The following ADRA1B variants were observed in gnomAD, a reference collection of about 807,000 sequenced individuals.
The protein encoded by ADRA1B is alpha-1B adrenergic receptor.
ADRA1B carries 17 observed loss-of-function variants against 17.9 expected under a neutral mutation model. The ratio of observed to expected loss-of-function variants is 0.95; its 90% confidence interval spans 0.65 to 1.42. ADRA1B has a LOEUF of 1.42. ADRA1B is among the 40% of genes most tolerant of loss of function. The pLI is 0.00. For missense variants in ADRA1B, 681 were observed against 722.1 expected (o/e 0.94, Z 0.65); for synonymous variants, 366 against 327.6 (o/e 1.12, Z -1.27).
At chr5:159,900,219 T>C (rs977087168) in intron 1 of ADRA1B, among the ~76,000 whole-genome samples, 7 of 152,244 alleles carry the variant, frequency 4.6e-5, no homozygotes, top group Non-Finnish European at 1.0e-4. Flanking sequence ...TTCTTAAGCA[T>C]TTATTCTACC....
chr5:159,927,641 T>A lies in ADRA1B; in HGVS notation c.949+9787T>A, dbSNP rs566915077. ...ATTTCACTGAGATGGTCTCCTTTTA[T>A]GCCTATTATCAAAGCATAATTATAC... On this transcript the variant is annotated intron_variant, in intron 1 of 1. Transcript: ENST00000306675. Among the ~76,000 whole-genome samples, 6 of 152,338 alleles carry A rather than the reference T, an allele frequency of 3.9e-5. No individual in the cohort carries two copies. In the East Asian group the frequency reaches 1.2e-3, roughly 29 times the overall value.
At chr5:159,891,974 C>T (rs1204800746) in intron 1 of ADRA1B, among the ~76,000 whole-genome samples, 2 of 152,214 alleles carry the variant, frequency 1.3e-5, no homozygotes, top group Non-Finnish European at 2.9e-5. Flanking sequence ...CGCGCTGGCT[C>T]ACACCTGTAA....
intron 1 of ADRA1B, among the ~76,000 whole-genome samples, chr5:159,932,886 A>C (rs1754854447): frequency 6.6e-6 from 1 of 152,126 alleles, no homozygotes; most frequent in Non-Finnish European, 1.5e-5. Context: ...TTTCAGATAG[A>C]TCTCCATGGA....
At chr5:159,886,400 T>C (rs183641932) in intron 1 of ADRA1B, among the ~76,000 whole-genome samples, 1 of 152,296 alleles carries the variant, frequency 6.6e-6, no homozygotes, top group East Asian at 1.9e-4. Flanking sequence ...AGGAGCAAGA[T>C]CCTTGCCAAT....
At chr5:159,977,993 G>A (rs775339300), downstream of ADRA1B, among the ~76,000 whole-genome samples, 3 of 151,758 alleles carry the variant, frequency 2.0e-5, no homozygotes, top group Non-Finnish European at 4.4e-5. Context: ...GACTGTCCAG[G>A]TTAAAAGTGA....
intron 1 of ADRA1B, among the ~76,000 whole-genome samples, chr5:159,884,224 G>A (rs1411161072): frequency 2.0e-5 from 3 of 152,186 alleles, no homozygotes; most frequent in Non-Finnish European, 2.9e-5. Flanking sequence ...ATCCCTAAAT[G>A]GCATGCTATT....
At chr5:159,958,631 C>CACAACAAAAACAACA (rs1247327421) in intron 1 of ADRA1B, among the ~76,000 whole-genome samples, 62 of 152,268 alleles carry the variant, frequency 4.1e-4, no homozygotes, top group African/African-American at 1.4e-3. Context: ...TAGCTCTCCA[C>CACAACAAAAACAACA]ACAACAAAAA....
chr5:159,884,061 G>A (rs186528516), intron 1 of ADRA1B, among the ~76,000 whole-genome samples: 31 of 152,268 alleles, frequency 2.0e-4, no homozygotes, highest in East Asian at 7.7e-4. Flanking sequence ...CTGTGGCATC[G>A]TCTCCACAAG....
chr5:159,986,384 T>C, the ADRA1B span, among the ~76,000 whole-genome samples: 1 of 152,228 alleles, frequency 6.6e-6, no homozygotes, highest in Non-Finnish European at 1.5e-5. Context: ...TAAGCCAGTA[T>C]ATCCAACCTA....
intron 1 of ADRA1B, chr5:159,948,310 T>C: frequency 8.1e-6 from 8 of 985,416 alleles, no homozygotes; most frequent in Non-Finnish European, 9.6e-6. Context: ...TCAAAGCACT[T>C]TATGCTCACC....
At chr5:159,923,915 T>C (rs928360318) in intron 1 of ADRA1B, among the ~76,000 whole-genome samples, 6 of 152,270 alleles carry the variant, frequency 3.9e-5, no homozygotes, top group African/African-American at 1.4e-4. Context: ...AGAGCAAGCA[T>C]CGTCATCCCT....
chr5:159,967,975 T>A (rs1755805295), intron 1 of ADRA1B, among the ~76,000 whole-genome samples: 1 of 152,038 alleles, frequency 6.6e-6, no homozygotes, highest in Non-Finnish European at 1.5e-5. Flanking sequence ...AGGGGGAAAG[T>A]AAAATTTATG....
the ADRA1B span, among the ~76,000 whole-genome samples, chr5:159,983,071 G>A: frequency 6.6e-6 from 1 of 152,154 alleles, no homozygotes; most frequent in African/African-American, 2.4e-5. Context: ...GGATTGATGA[G>A]GACGCACCTG....
upstream of ADRA1B, among the ~76,000 whole-genome samples, chr5:159,915,855 A>G (rs1754287057): frequency 6.6e-6 from 1 of 152,190 alleles, no homozygotes; most frequent in South Asian, 2.1e-4. Context: ...CTACGCTCCT[A>G]TAGGGCAGGA....
chr5:159,950,932 GC>G, intron 1 of ADRA1B: 1 of 568,286 alleles, frequency 1.8e-6, no homozygotes, highest in Non-Finnish European at 3.3e-6. Flanking sequence ...TCCCAGAGAG[GC>G]CATCCACAAT....
chr5:159,913,798 G>A (rs1754251756), upstream of ADRA1B, among the ~76,000 whole-genome samples: 1 of 152,026 alleles, frequency 6.6e-6, no homozygotes, highest in Non-Finnish European at 1.5e-5. Flanking sequence ...TTCAATAGCT[G>A]GTGAAATTAA....
Position 159,916,690 on chromosome 5 carries a change from C to G in ADRA1B, c.-216C>G, listed in dbSNP as rs1581030167. The G allele has an allele frequency of 2.0e-6, 1 of 490,358 alleles. No homozygotes were observed. Among genetic ancestry groups the G allele is most frequent in the Middle Eastern group, 5.4e-4 (1 of 1,850 alleles). 30.4% of individuals were successfully genotyped at this position (490,358 alleles called of 1,614,324 possible). A position where few individuals can be genotyped will look rare whatever the true frequency, so the allele number is the denominator to read the frequency against. ...TTGGAGCTGCCGCCTCGTCCCCTCT[C>G]CTCCTCCTCCTCCCTCTGACAGGCG... On this transcript the variant is annotated 5_prime_UTR_variant, in exon 1 of 2. Coordinates refer to ENST00000306675, the MANE Select transcript of ADRA1B (RefSeq NM_000679.4).
chr5:159,981,997 A>G, the ADRA1B span, among the ~76,000 whole-genome samples: 1 of 152,220 alleles, frequency 6.6e-6, no homozygotes, highest in African/African-American at 2.4e-5. Flanking sequence ...GGGACTTCCA[A>G]AGTTACATAA....
chr5:159,893,394 G>A (rs376592414), intron 1 of ADRA1B, among the ~76,000 whole-genome samples: 5 of 152,368 alleles, frequency 3.3e-5, no homozygotes, highest in East Asian at 3.9e-4. Flanking sequence ...GGAAGTGATG[G>A]AGCAATGCTT....
Sources: allele counts gnomAD v4.1 joint callset (sites outside exome capture counted in the v4.1 genomes callset), GRCh38; gene constraint gnomAD v4.1.1; transcripts MANE v1.5; gene names NCBI Gene and HGNC (gene_info 2026-07-23, HGNC 2026-07-21).